Variants in FDPS observed in about 807,000 individuals in gnomAD.
FDPS encodes farnesyl diphosphate synthase.
Under a neutral mutation model 49.5 loss-of-function variants are expected in FDPS, and 29 were observed. The ratio of observed to expected loss-of-function variants is 0.59; its 90% CI spans 0.44 to 0.80. The LOEUF (loss-of-function observed/expected upper bound fraction) is 0.80, where lower values mean the gene tolerates loss of function less well. Among genes scored for constraint, FDPS ranks in the 30% least tolerant of loss-of-function variants. The pLI, the probability that FDPS is intolerant of heterozygous loss-of-function variation, is 0.00. For synonymous variants in FDPS, 172 were observed against 206.4 expected (o/e 0.83, Z 1.43); for missense variants, 414 against 525.6 (o/e 0.79, Z 2.08).
intron 1 of FDPS, 86 bp from the exon 2 acceptor site, chr1:155,309,703 T>C: frequency 8.0e-7 from 1 of 1,243,760 alleles, no homozygotes; most frequent in East Asian, 2.6e-5. Flanking sequence ...GGGTGGGAGT[T>C]ATCTGGGGAG....
chr1:155,317,643 C>T (rs957412831), intron 4 of FDPS: 27 of 227,900 alleles, frequency 1.2e-4, no homozygotes, highest in Admixed American at 5.2e-4. Flanking sequence ...CAAAACCAGC[C>T]TGAGCAACAT....
At chr1:155,315,394 AT>A (rs1649231366) in intron 4 of FDPS, among the ~76,000 whole-genome samples, 2 of 151,342 alleles carry the variant, frequency 1.3e-5, no homozygotes, top group South Asian at 4.2e-4. Context: ...AAAATACAAA[AT>A]TAGGCTGGGC....
At chr1:155,316,528 A>G (rs973410005) in intron 4 of FDPS, among the ~76,000 whole-genome samples, 3 of 152,186 alleles carry the variant, frequency 2.0e-5, no homozygotes, top group African/African-American at 4.8e-5. Context: ...CTGTAATCCC[A>G]GCACTTTGGG....
At position 155,320,567 on chromosome 1, in the gene FDPS, C is replaced by G. The variant is rs1473211724; in HGVS notation, c.1218C>G (p.Val406=). 1.2e-6 allele frequency: 2 copies of G among 1,614,214 alleles called. No individual in the cohort carries two copies. Among genetic ancestry groups the G allele is most frequent in the South Asian group, 1.1e-5 (1 of 91,084 alleles). The change falls in exon 11 of 11, where the codon GTC becomes GTG. Residue 406 remains valine (V), a synonymous_variant. Transcript: ENST00000368356. Reference sequence around the variant, plus strand: ...ACGCAGCACCCCTGCCCCCAGCCGTCTTTCTGGGGCTTGCGCGCAAAATCT... The same window carrying G: ...ACGCAGCACCCCTGCCCCCAGCCGTGTTTCTGGGGCTTGCGCGCAAAATCT... ...EQYAAPLPPA[V]FLGLARKIYK... is the part of the protein sequence containing the mutation.
At chr1:155,310,741 G>A (rs1254603011) in intron 3 of FDPS, among the ~76,000 whole-genome samples, 1 of 152,162 alleles carries the variant, frequency 6.6e-6, no homozygotes, top group African/African-American at 2.4e-5. Context: ...GCTTTGCTTT[G>A]GGGGTGGAGG....
intron 4 of FDPS, chr1:155,316,996 G>C (rs2148243507): frequency 6.6e-6 from 1 of 152,306 alleles, no homozygotes; most frequent in African/African-American, 2.4e-5. Flanking sequence ...AGGAGATCAT[G>C]GTCTAGTGGG....
Position 155,318,788 on chromosome 1 carries a change from T to C in FDPS, c.773+35T>C. The stretch of plus-strand genomic sequence containing the variant: ...GGTGAGGGACAGCGCGAACCATGTC[T>C]GGACAGCGAGGGAGGGCTCAGGATG... On this transcript the variant is annotated intron_variant, in intron 7 of 10. Coordinates refer to ENST00000368356, the MANE Select transcript of FDPS (RefSeq NM_002004.4). The surrounding 1 kb of genome is among the most constrained non-coding windows in gnomAD (Gnocchi z 4.2). The C allele has an allele frequency of 6.3e-7, 1 of 1,596,250 alleles. No individual in the cohort carries two copies. The highest frequency in any genetic ancestry group is 8.6e-7 in the Non-Finnish European group (1 of 1,163,896).
At chr1:155,317,909 G>A (rs753536647) in intron 4 of FDPS, 32 bp from the exon 5 acceptor site, 2 of 1,585,006 alleles carry the variant, frequency 1.3e-6, no homozygotes, top group Non-Finnish European at 1.7e-6. Flanking sequence ...CAGTAATGAG[G>A]AGCCCTGCAG....
At chr1:155,314,577 C>T (rs546357187) in intron 4 of FDPS, among the ~76,000 whole-genome samples, 106 of 151,950 alleles carry the variant, frequency 7.0e-4, no homozygotes, top group African/African-American at 2.5e-3. Flanking sequence ...TGGGCTCAAG[C>T]GATCCTTCCA....
At chr1:155,316,448 GTC>G (rs1649422941) in intron 4 of FDPS, among the ~76,000 whole-genome samples, 1 of 152,012 alleles carries the variant, frequency 6.6e-6, no homozygotes, top group Non-Finnish European at 1.5e-5. Flanking sequence ...CAAGACCCTT[GTC>G]TCTTTAAAAA....
At chr1:155,313,773 G>A (rs1265353020) in intron 4 of FDPS, among the ~76,000 whole-genome samples, 5 of 152,116 alleles carry the variant, frequency 3.3e-5, no homozygotes, top group African/African-American at 9.7e-5. Flanking sequence ...AGCTATGGGG[G>A]CCAAGGGAAG....
At chr1:155,311,407 C>G (rs185694071) in intron 3 of FDPS, among the ~76,000 whole-genome samples, 1 of 152,328 alleles carries the variant, frequency 6.6e-6, no homozygotes, top group Admixed American at 6.5e-5. Context: ...GGAGACACTA[C>G]TGGAGGAGTG....
In FDPS at chr1:155,320,445, C is replaced by T. The variant is rs771385655; in HGVS notation, c.1096C>T (p.Arg366Trp). 1.9e-6 allele frequency: 3 copies of T among 1,613,642 alleles called. No homozygotes were observed. Among genetic ancestry groups the T allele is most frequent in the Admixed American group, 1.7e-5 (1 of 59,980 alleles). Reference protein sequence around the residue: ...YGQKEAEKVARVKALYEELDL... With the variant: ...YGQKEAEKVAWVKALYEELDL... ...GCAGAAGGAGGCTGAGAAAGTGGCC[C>T]GGGTGAAGGCGCTATATGAGGAGCT... The change falls in exon 11 of 11, where the codon CGG becomes TGG. Residue 366 changes from arginine to tryptophan, a missense_variant. Coordinates refer to ENST00000368356, the MANE Select transcript of FDPS (RefSeq NM_002004.4).
intron 4 of FDPS, among the ~76,000 whole-genome samples, chr1:155,314,188 A>ATTTT (rs34299252): frequency 2.1e-5 from 3 of 141,010 alleles, no homozygotes; most frequent in African/African-American, 7.9e-5. Flanking sequence ...AAAATTTTTA[A>ATTTT]TTTTTTTTTT....
Position 155,312,396 on chromosome 1 carries a change from G to A in FDPS, c.480+1G>A. 1.2e-6 allele frequency: 2 copies of A among 1,613,152 alleles called. No individual in the cohort carries two copies. Among genetic ancestry groups the A allele is most frequent in the Non-Finnish European group, 1.7e-6 (2 of 1,179,404 alleles). On this transcript the variant is annotated splice_donor_variant, in intron 4 of 10. Coordinates refer to ENST00000368356, the MANE Select transcript of FDPS (RefSeq NM_002004.4). LOFTEE classifies it high-confidence loss of function. ...GACTGTGGGCTGGTGTGTGGAACTG[G>A]TGAGAGGGGTAGGGCAAGGGAGAAG...
chr1:155,316,464 A>C (rs576032837), intron 4 of FDPS, among the ~76,000 whole-genome samples: 2 of 152,138 alleles, frequency 1.3e-5, no homozygotes, highest in Admixed American at 6.5e-5. Context: ...TTAAAAAAGC[A>C]ACCCAAACCA....
In FDPS at chr1:155,318,203, ACCT is replaced by A; in HGVS notation, c.600_602del (p.Leu201del). On this transcript the variant is annotated inframe_deletion, in exon 6 of 11. Transcript: ENST00000368356. The surrounding 1 kb of genome is among the most constrained non-coding windows in gnomAD (Gnocchi z 4.2). ...GGTTTGGATGCCATCAATGATGCTA[ACCT>A]CCTGGAAGCATGTATCTACCGCCTG... 1 of 1,613,984 alleles carries A rather than the reference ACCT, an allele frequency of 6.2e-7. No homozygotes were observed. Among genetic ancestry groups the A allele is most frequent in the Non-Finnish European group, 8.5e-7 (1 of 1,179,988 alleles).
intron 4 of FDPS, among the ~76,000 whole-genome samples, chr1:155,314,817 G>A (rs1268804504): frequency 6.6e-6 from 1 of 150,642 alleles, no homozygotes; most frequent in Non-Finnish European, 1.5e-5. Flanking sequence ...TAAATAGAAA[G>A]TGCTGGTGGG....
At chr1:155,317,064 A>C (rs1027923782) in intron 4 of FDPS, 5 of 152,148 alleles carry the variant, frequency 3.3e-5, no homozygotes, top group African/African-American at 4.8e-5. Context: ...GCCCTTAGTT[A>C]ATGTTTAAAG....
Sources: gnomAD v4.1 joint callset for allele counts (sites outside exome capture counted in the v4.1 genomes callset) on GRCh38, gnomAD v4.1.1 for gene constraint, Gnocchi (gnomAD v3.1) non-coding constraint, MANE v1.5 for transcripts, NCBI Gene and HGNC (gene_info 2026-07-23, HGNC 2026-07-21) for gene names.